ACOT11: variants seen among roughly 807,000 people sequenced by gnomAD.
The protein encoded by ACOT11 is acyl-CoA thioesterase 11, also known as acyl-coenzyme A thioesterase 11.
In ACOT11, 69 loss-of-function variants were observed where a neutral mutation model predicts 77.5. The observed-to-expected ratio is 0.89, with a 90% CI of 0.73 to 1.09. The LOEUF (loss-of-function observed/expected upper bound fraction) is 1.09. ACOT11 is among the 50% of genes least tolerant of loss of function. ACOT11 has a pLI of 0.00. For missense variants in ACOT11, 766 were observed against 813.7 expected, an observed-to-expected ratio of 0.94 and a Z score of 0.71; for synonymous variants, 279 against 313.0, an observed-to-expected ratio of 0.89 and a Z score of 1.15.
intron 12 of ACOT11, 93 bp from the exon 13 acceptor site, chr1:54,604,983 A>AG (rs1644007769): frequency 7.4e-7 from 1 of 1,354,016 alleles, no homozygotes; most frequent in Admixed American, 2.0e-5. Flanking sequence ...ACAGCAAGTC[A>AG]GCTGTAGCCC....
At chr1:54,605,303 T>G in intron 13 of ACOT11, 94 bp downstream of exon 13, 79 of 1,385,968 alleles carry the variant, frequency 5.7e-5, no homozygotes, top group East Asian at 9.4e-5. Context: ...CATGATGCTC[T>G]GCCCTGCTGG....
downstream of ACOT11, chr1:54,610,763 G>A: frequency 1.0e-6 from 1 of 983,876 alleles, no homozygotes; most frequent in Non-Finnish European, 1.2e-6. Context: ...TGCCAGGAGT[G>A]GAACCTGATG....
At chr1:54,622,423 C>T (rs1037040967) in intron 15 of ACOT11, among the ~76,000 whole-genome samples, 1 of 151,556 alleles carries the variant, frequency 6.6e-6, no homozygotes, top group South Asian at 2.1e-4. Flanking sequence ...ACTAAAAATA[C>T]AAAAATTAGC....
intron 16 of ACOT11, among the ~76,000 whole-genome samples, chr1:54,634,504 C>T (rs1644319748): frequency 6.6e-6 from 1 of 152,016 alleles, no homozygotes; most frequent in Admixed American, 6.6e-5. Context: ...TGAAAATGCT[C>T]AGTTATGATT....
At chr1:54,565,078 C>G (rs1029673703) in intron 1 of ACOT11, among the ~76,000 whole-genome samples, 1 of 152,152 alleles carries the variant, frequency 6.6e-6, no homozygotes, top group Non-Finnish European at 1.5e-5. Context: ...ACCCCAGGCC[C>G]TCCTTGGCCT....
At chr1:54,578,782 G>A (rs550370211) in intron 1 of ACOT11, among the ~76,000 whole-genome samples, 173 of 151,712 alleles carry the variant, frequency 1.1e-3, no homozygotes, top group Middle Eastern at 0.01. Flanking sequence ...GCCCAAAGAG[G>A]AATGTTTATT....
intron 15 of ACOT11, among the ~76,000 whole-genome samples, chr1:54,621,238 C>A (rs892614070): frequency 1.3e-5 from 2 of 151,728 alleles, no homozygotes; most frequent in Non-Finnish European, 2.9e-5. Flanking sequence ...AGGCGGATCA[C>A]CTGAGTTCAG....
chr1:54,589,514 A>G (rs1654629820), intron 3 of ACOT11, among the ~76,000 whole-genome samples: 1 of 152,086 alleles, frequency 6.6e-6, no homozygotes, highest in Non-Finnish European at 1.5e-5. Context: ...TCTGTTGCCC[A>G]GGCTGGGGTG....
chr1:54,565,611 T>A (rs1408959536), intron 1 of ACOT11, among the ~76,000 whole-genome samples: 21 of 152,016 alleles, frequency 1.4e-4, no homozygotes, highest in Non-Finnish European at 3.1e-4. Context: ...TGCTTCAGAG[T>A]GAGAATTAAA....
At chr1:54,582,568 G>A (rs1056869202) in intron 1 of ACOT11, 11 of 967,432 alleles carry the variant, frequency 1.1e-5, no homozygotes, top group African/African-American at 1.1e-4. Flanking sequence ...AACAGGAAAC[G>A]GGAGTGCATG....
In ACOT11 at chr1:54,609,529, C is replaced by A. The variant is rs1463599538; in HGVS notation, c.*417C>A. ...CAGGTTGCCAGAGCCCCTGGCACAA[C>A]TCTAGCATATCTGTGAGCAGCTGTT... On this transcript the variant is annotated 3_prime_UTR_variant, in exon 16 of 16. Coordinates refer to ENST00000343744, the MANE Select transcript of ACOT11 (RefSeq NM_147161.4). 1 of 1,612,956 alleles carries A rather than the reference C, an allele frequency of 6.2e-7. No individual in the cohort carries two copies. The highest frequency in any genetic ancestry group is 2.2e-5 in the East Asian group (1 of 44,896).
intron 15 of ACOT11, among the ~76,000 whole-genome samples, chr1:54,617,550 A>G (rs1644185568): frequency 6.6e-6 from 1 of 151,534 alleles, no homozygotes; most frequent in East Asian, 1.9e-4. Flanking sequence ...GGTCTGTACA[A>G]TCAGGGCCTG....
intron 1 of ACOT11, among the ~76,000 whole-genome samples, chr1:54,569,651 G>A (rs947958499): frequency 2.6e-5 from 4 of 152,194 alleles, no homozygotes; most frequent in African/African-American, 9.7e-5. Flanking sequence ...GCCACAGGGT[G>A]CCCATTTGGT....
At chr1:54,591,285 A>T (rs1654704011) in intron 3 of ACOT11, among the ~76,000 whole-genome samples, 1 of 152,112 alleles carries the variant, frequency 6.6e-6, no homozygotes, top group Non-Finnish European at 1.5e-5. Flanking sequence ...ATTCTCTCTC[A>T]CTTGACCCTC....
intron 3 of ACOT11, among the ~76,000 whole-genome samples, chr1:54,586,807 TC>T (rs1654517904): frequency 1.3e-5 from 2 of 152,216 alleles, no homozygotes; most frequent in South Asian, 4.2e-4. Context: ...GGGCTTTGCC[TC>T]CCCATAGCTT....
Position 54,548,361 on chromosome 1 carries a change from G to A in ACOT11, c.33+19G>A. 5 of 1,598,496 alleles carry A rather than the reference G, an allele frequency of 3.1e-6. No individual in the cohort carries two copies. The highest frequency in any genetic ancestry group is 3.4e-6 in the Non-Finnish European group (4 of 1,172,858). Reference sequence around the variant, plus strand: ...GCGACGGGTATGGAGGGTGGGCTGGGGCAGCGGGAGGGCTCTGGAAGCTGG... The same window carrying A: ...GCGACGGGTATGGAGGGTGGGCTGGAGCAGCGGGAGGGCTCTGGAAGCTGG... On this transcript the variant is annotated intron_variant, in intron 1 of 15. Coordinates refer to ENST00000343744, the MANE Select transcript of ACOT11 (RefSeq NM_147161.4).
At chr1:54,598,321 A>T (rs1418834305) in intron 7 of ACOT11, 6 of 152,230 alleles carry the variant, frequency 3.9e-5, no homozygotes, top group Non-Finnish European at 8.8e-5. Context: ...AACAGCAGCT[A>T]CCAAGGTGTA....
chr1:54,576,073 G>C (rs1047352558), intron 1 of ACOT11, among the ~76,000 whole-genome samples: 1 of 152,322 alleles, frequency 6.6e-6, no homozygotes, highest in African/African-American at 2.4e-5. Flanking sequence ...GAGTTTCTCA[G>C]ACTGGGGTTT....
intron 1 of ACOT11, among the ~76,000 whole-genome samples, chr1:54,559,305 C>T (rs1569644223): frequency 6.6e-6 from 1 of 152,284 alleles, no homozygotes; most frequent in South Asian, 2.1e-4. Context: ...GCTGACCCCA[C>T]CCCACACACC....
Sources: gnomAD v4.1 joint callset for allele counts (sites outside exome capture counted in the v4.1 genomes callset) on GRCh38, gnomAD v4.1.1 for gene constraint, MANE v1.5 for transcripts, NCBI Gene and HGNC (gene_info 2026-07-23, HGNC 2026-07-21) for gene names.